The following PDLIM2 variants were observed in gnomAD, a reference collection of about 807,000 sequenced individuals.
PDLIM2 encodes PDZ and LIM domain 2.
In PDLIM2, 51 loss-of-function variants were observed where a neutral mutation model predicts 54.1. The observed-to-expected ratio is 0.94, with a 90% confidence interval of 0.75 to 1.19. The LOEUF is 1.19. PDLIM2 is among the 50% of genes most tolerant of loss of function. The pLI is 0.00. For missense variants in PDLIM2, 912 were observed against 874.0 expected, an observed-to-expected ratio of 1.04 and a Z score of -0.55; for synonymous variants, 398 against 385.6, an observed-to-expected ratio of 1.03 and a Z score of -0.38.
At position 22,589,725 on chromosome 8, in the gene PDLIM2, GGAGGCTGAGGAGA is replaced by G; in HGVS notation, c.1502_1513+1del. ...CCTTTCGGCTCTTGCAGGAAGCCCT[GGAGGCTGAGGAGA>G]GAGGTGAGGGTCTGGGGGGCTGGGG... On this transcript the variant is annotated frameshift_variant, in exon 8 of 10. Transcript: ENST00000308354. LOFTEE classifies it high-confidence loss of function. 1 of 1,567,542 alleles carries G rather than the reference GGAGGCTGAGGAGA, an allele frequency of 6.4e-7. No individual in the cohort carries two copies. Among genetic ancestry groups the G allele is most frequent in the Non-Finnish European group, 8.7e-7 (1 of 1,155,730 alleles).
intron 3 of PDLIM2, among the ~76,000 whole-genome samples, chr8:22,582,271 C>A (rs1800225299): frequency 6.6e-6 from 1 of 152,230 alleles, no homozygotes; most frequent in Admixed American, 6.5e-5. Context: ...TCAGCCCTAC[C>A]AAGCCCCTCC....
rs1428956078 is a variant in PDLIM2 at position 22,584,349 on chromosome 8, C to T, written c.996-472C>T. 5.3e-5 allele frequency among the ~76,000 whole-genome samples: 8 copies of T among 151,954 alleles called. 1 individual carries two copies. Among genetic ancestry groups the T allele is most frequent in the Admixed American group, 5.2e-4 (8 of 15,248 alleles). Reference sequence around the variant, plus strand: ...TTTGAGACAGAATCTCGCTGTGTTGCCCAGGCTGGAAGGCAGTGGCACAAT... The same window carrying T: ...TTTGAGACAGAATCTCGCTGTGTTGTCCAGGCTGGAAGGCAGTGGCACAAT... On this transcript the variant is annotated intron_variant, in intron 3 of 9. Coordinates refer to ENST00000308354, the Ensembl canonical transcript of PDLIM2.
At chr8:22,597,642 C>T (rs75291371), downstream of PDLIM2, 2,746 of 152,676 alleles carry the variant, frequency 0.018, 38 homozygotes, top group Non-Finnish European at 0.026. Flanking sequence ...AAATTCAGGG[C>T]GCGATCTGGC....
intron 6 of PDLIM2, among the ~76,000 whole-genome samples, chr8:22,586,353 A>C (rs1317891836): frequency 2.6e-5 from 4 of 152,210 alleles, no homozygotes; most frequent in Non-Finnish European, 5.9e-5. Context: ...GGAATTGAAG[A>C]TGCAGTTGTA....
downstream of PDLIM2, chr8:22,594,477 G>C: frequency 6.2e-7 from 1 of 1,612,554 alleles, no homozygotes; most frequent in Non-Finnish European, 8.5e-7. Flanking sequence ...GCCTCTTTTA[G>C]GTTGGGAGTC....
chr8:22,585,526 A>G (rs960043066), intron 6 of PDLIM2, 127 bp downstream of exon 5: 3 of 906,842 alleles, frequency 3.3e-6, no homozygotes, highest in East Asian at 2.7e-5. Flanking sequence ...TCTCCTGGCC[A>G]CAGGCATGCT....
chr8:22,589,923 G>A (rs1368254861), intron 8 of PDLIM2, 182 bp downstream of exon 7: 2 of 368,338 alleles, frequency 5.4e-6, no homozygotes, highest in Admixed American at 6.4e-5. Context: ...CGGTCCGGGA[G>A]GGTCCGGGAG....
chr8:22,581,520 CAGCTGGACCGGT>C lies in PDLIM2; in HGVS notation c.988_995+4del, dbSNP rs1563859247. ...CCAGAGCCCCTCGCCCCTGCGGCTG[CAGCTGGACCGGT>C]AGGGCCTCCCGCTCTGCAGAGCCTG... On this transcript the variant is annotated splice_donor_variant and coding_sequence_variant, in exon 3 of 10. Transcript: ENST00000308354. LOFTEE classifies it high-confidence loss of function. 1 of 1,582,640 alleles carries C rather than the reference CAGCTGGACCGGT, an allele frequency of 6.3e-7. No individual in the cohort carries two copies. Among genetic ancestry groups the C allele is most frequent in the Non-Finnish European group, 8.6e-7 (1 of 1,169,292 alleles).
At chr8:22,591,600 G>A in exon 9 of PDLIM2, 1 of 1,613,590 alleles carries the variant, frequency 6.2e-7, no homozygotes, top group Non-Finnish European at 8.5e-7. Context: ...AGTCCTCCCT[G>A]CCCGCCTCCA....
chr8:22,594,327 C>A, downstream of PDLIM2: 2 of 1,431,244 alleles, frequency 1.4e-6, no homozygotes, highest in South Asian at 1.5e-5. Context: ...TTTTTCCTAC[C>A]GCCAGCCCTG....
intron 6 of PDLIM2, 162 bp downstream of exon 5, chr8:22,585,561 G>A: frequency 1.9e-6 from 1 of 515,462 alleles, no homozygotes; most frequent in Non-Finnish European, 3.1e-6. Flanking sequence ...GGGAGGCCAT[G>A]CTTCTGGTCG....
intron 2 of PDLIM2, chr8:22,581,174 A>C (rs1800190118): frequency 1.5e-6 from 1 of 662,400 alleles, no homozygotes. Flanking sequence ...GGCCCATTAG[A>C]ATGCCAGTGT....
chr8:22,593,485 G>A (rs143626237), intron 9 of PDLIM2: 218 of 488,216 alleles, frequency 4.5e-4, no homozygotes, highest in African/African-American at 3.9e-3. Context: ...GCTGGTGCAG[G>A]AGTATCGCTT....
chr8:22,585,885 C>T (rs138789327), intron 6 of PDLIM2, among the ~76,000 whole-genome samples: 25 of 151,422 alleles, frequency 1.7e-4, no homozygotes, highest in African/African-American at 5.3e-4. Flanking sequence ...CTGCCTTGAG[C>T]GCTCTTGGCT....
At chr8:22,593,491 C>G (rs886892589) in intron 9 of PDLIM2, 1 of 493,306 alleles carries the variant, frequency 2.0e-6, no homozygotes, top group Non-Finnish European at 3.6e-6. Context: ...GCAGGAGTAT[C>G]GCTTGAACCC....
exon 3 of PDLIM2, chr8:22,581,516 G>A: frequency 1.3e-6 from 2 of 1,585,982 alleles, no homozygotes; most frequent in Non-Finnish European, 8.5e-7. Context: ...CGCCCCTGCG[G>A]CTGCAGCTGG....
exon 2 of PDLIM2, chr8:22,580,603 G>A: frequency 1.2e-6 from 2 of 1,614,040 alleles, no homozygotes; most frequent in South Asian, 1.1e-5. Flanking sequence ...TCTTCCTCAG[G>A]TATGGCGTTG....
At chr8:22,584,605 C>G (rs978931917) in intron 3 of PDLIM2, among the ~76,000 whole-genome samples, 2 of 152,232 alleles carry the variant, frequency 1.3e-5, no homozygotes, top group African/African-American at 4.8e-5. Context: ...GTCAATGTGC[C>G]TGGCCAACTG....
At chr8:22,582,354 G>T (rs1586919816) in intron 3 of PDLIM2, among the ~76,000 whole-genome samples, 1 of 152,272 alleles carries the variant, frequency 6.6e-6, no homozygotes, top group East Asian at 1.9e-4. Flanking sequence ...CTGGGTGTTT[G>T]CAGGAGCGGG....
Sources: allele counts gnomAD v4.1 joint callset (sites outside exome capture counted in the v4.1 genomes callset), GRCh38; gene constraint gnomAD v4.1.1; transcripts MANE v1.5; gene names NCBI Gene and HGNC (gene_info 2026-07-23, HGNC 2026-07-21).